FANCB: variants seen among roughly 807,000 people sequenced by gnomAD.
FANCB encodes FA complementation group B.
FANCB carries 5 observed loss-of-function variants against 38.9 expected under a neutral mutation model. The observed-to-expected ratio is 0.13, with a 90% confidence interval of 0.07 to 0.27. FANCB has a LOEUF of 0.27. FANCB is among the 10% of genes least tolerant of loss of function. FANCB has a pLI of 1.00. For synonymous variants in FANCB, 236 were observed against 215.4 expected, an observed-to-expected ratio of 1.10 and a Z score of -0.84; for missense variants, 573 against 602.7, an observed-to-expected ratio of 0.95 and a Z score of 0.52.
At chrX:14,711,223 A>G in the FANCB span, among the ~76,000 whole-genome samples, 2 of 112,424 alleles carry the variant, frequency 1.8e-5, no homozygotes, top group Non-Finnish European at 3.8e-5. Context: ...TTTCAGGAAC[A>G]TTCACCACCC....
chrX:14,760,152 A>G, the FANCB span, among the ~76,000 whole-genome samples: 1 of 112,634 alleles, frequency 8.9e-6, no homozygotes, highest in Non-Finnish European at 1.9e-5. Flanking sequence ...AAATTCACAC[A>G]TAACAATATT....
the FANCB span, among the ~76,000 whole-genome samples, chrX:14,709,933 T>C: frequency 2.5e-3 from 280 of 111,923 alleles, no homozygotes; most frequent in African/African-American, 7.8e-3. Flanking sequence ...GGAGATAAGA[T>C]TGGCCAGAGA....
the FANCB span, among the ~76,000 whole-genome samples, chrX:14,809,214 T>C: frequency 8.0e-5 from 9 of 112,330 alleles, no homozygotes; most frequent in Non-Finnish European, 9.4e-5. Flanking sequence ...GATGGCCGAA[T>C]AGGAACAGCT....
the FANCB span, among the ~76,000 whole-genome samples, chrX:14,795,352 T>A: frequency 8.9e-6 from 1 of 112,421 alleles, no homozygotes; most frequent in African/African-American, 3.2e-5. Flanking sequence ...TTTAATGCAC[T>A]TTCATTGACA....
chrX:14,730,253 G>A, the FANCB span: 1 of 1,197,808 alleles, frequency 8.3e-7, no homozygotes, highest in East Asian at 3.0e-5. Context: ...AGCGGTTATG[G>A]GATGGGTCAC....
chrX:14,809,264 G>A, the FANCB span, among the ~76,000 whole-genome samples: 22 of 112,590 alleles, frequency 2.0e-4, no homozygotes, highest in African/African-American at 7.1e-4. Flanking sequence ...CAGAAGATGG[G>A]TGATTTCTGC....
chrX:14,831,806 C>T (rs189630703), downstream of FANCB, among the ~76,000 whole-genome samples: 183 of 111,651 alleles, frequency 1.6e-3, no homozygotes, highest in Non-Finnish European at 2.9e-3. Flanking sequence ...AGAACAAAAC[C>T]GGAAGGAAGC....
downstream of FANCB, among the ~76,000 whole-genome samples, chrX:14,832,254 G>A (rs1331698258): frequency 8.1e-5 from 9 of 111,422 alleles, no homozygotes; most frequent in Admixed American, 8.6e-4. Context: ...CTGGTGATTT[G>A]CAGGCAATAT....
At chrX:14,831,892 G>A (rs1312168955), downstream of FANCB, among the ~76,000 whole-genome samples, 2 of 111,030 alleles carry the variant, frequency 1.8e-5, no homozygotes, top group Non-Finnish European at 3.8e-5. Flanking sequence ...CATGAAATAG[G>A]GAGTAGCAAC....
At chrX:14,813,059 A>G in the FANCB span, among the ~76,000 whole-genome samples, 2 of 102,847 alleles carry the variant, frequency 1.9e-5, no homozygotes, top group African/African-American at 7.4e-5. Context: ...AACCAAAGAC[A>G]AAAACCACAT....
the FANCB span, among the ~76,000 whole-genome samples, chrX:14,814,457 A>G: frequency 8.9e-6 from 1 of 111,766 alleles, no homozygotes; most frequent in African/African-American, 3.2e-5. Context: ...AGAATCTACA[A>G]AGAAACAAAT....
At chrX:14,853,393 G>A (rs944108810) in intron 5 of FANCB, among the ~76,000 whole-genome samples, 1 of 111,641 alleles carries the variant, frequency 9.0e-6, no homozygotes, top group Non-Finnish European at 1.9e-5. Context: ...CTGCAACATA[G>A]AGCTTATGTA....
chrX:14,796,226 C>T, the FANCB span, among the ~76,000 whole-genome samples: 8 of 109,909 alleles, frequency 7.3e-5, 1 homozygote, highest in East Asian at 2.3e-3. Context: ...GGCTCAGCAT[C>T]TCTTGCACAT....
At chrX:14,846,918 C>T (rs978608709) in intron 7 of FANCB, among the ~76,000 whole-genome samples, 11 of 109,739 alleles carry the variant, frequency 1.0e-4, no homozygotes, top group Non-Finnish European at 1.7e-4. Context: ...CCTTATCTGG[C>T]TCACGATTTG....
At chrX:14,773,007 C>G in the FANCB span, among the ~76,000 whole-genome samples, 1 of 110,908 alleles carries the variant, frequency 9.0e-6, no homozygotes, top group African/African-American at 3.3e-5. Context: ...CTTCGTTTTT[C>G]ATGGGTTGAG....
the FANCB span, among the ~76,000 whole-genome samples, chrX:14,794,888 G>A: frequency 8.9e-6 from 1 of 112,312 alleles, no homozygotes; most frequent in African/African-American, 3.2e-5. Flanking sequence ...CGACTGAGAA[G>A]GACCATAGCC....
At chrX:14,823,323 C>T in the FANCB span, among the ~76,000 whole-genome samples, 5 of 110,893 alleles carry the variant, frequency 4.5e-5, no homozygotes, top group Non-Finnish European at 9.4e-5. Flanking sequence ...ACCTCGTGAT[C>T]CGCCCGCCCC....
the FANCB span, among the ~76,000 whole-genome samples, chrX:14,794,813 G>A: frequency 8.9e-6 from 1 of 112,100 alleles, no homozygotes; most frequent in Admixed American, 9.5e-5. Flanking sequence ...TATTGGGTGT[G>A]ATGGAAAAAT....
At chrX:14,765,049 C>T in the FANCB span, among the ~76,000 whole-genome samples, 1 of 112,108 alleles carries the variant, frequency 8.9e-6, no homozygotes, top group Non-Finnish European at 1.9e-5. Flanking sequence ...TCAAATACTG[C>T]ATGGGACATA....
Sources: allele counts gnomAD v4.1 joint callset (sites outside exome capture counted in the v4.1 genomes callset), GRCh38; gene constraint gnomAD v4.1.1; transcripts MANE v1.5; gene names NCBI Gene and HGNC (gene_info 2026-07-23, HGNC 2026-07-21).